TRIM14: variants seen among roughly 807,000 people sequenced by gnomAD.
TRIM14 encodes tripartite motif-containing protein 14.
Under a neutral mutation model 44.5 loss-of-function variants are expected in TRIM14, and 28 were observed. The observed-to-expected ratio is 0.63, with a 90% CI of 0.47 to 0.86. The LOEUF is 0.86. Ranked by LOEUF, TRIM14 falls within the 40% of genes least tolerant of loss-of-function variation. The pLI is 0.00. For missense variants in TRIM14, 607 were observed against 611.1 expected, an observed-to-expected ratio of 0.99 and a Z score of 0.07; for synonymous variants, 299 against 269.2, an observed-to-expected ratio of 1.11 and a Z score of -1.08.
chr9:98,115,645 A>C (rs1413476944), intron 1 of TRIM14, among the ~76,000 whole-genome samples: 2 of 151,936 alleles, frequency 1.3e-5, no homozygotes, highest in African/African-American at 4.8e-5. Flanking sequence ...CAGCCTCCCA[A>C]AGTGCTGGGT....
At chr9:98,039,787 C>T in the TRIM14 span, among the ~76,000 whole-genome samples, 1 of 152,098 alleles carries the variant, frequency 6.6e-6, no homozygotes, top group Middle Eastern at 3.2e-3. Context: ...CACTGGCTTC[C>T]CCCACCCAGC....
intron 2 of TRIM14, 73 bp downstream of exon 2, chr9:98,109,816 A>G: frequency 8.0e-7 from 1 of 1,246,454 alleles, no homozygotes; most frequent in East Asian, 2.3e-5. Flanking sequence ...CATTGGCTCC[A>G]TATTGGGGGT....
intron 2 of TRIM14, among the ~76,000 whole-genome samples, chr9:98,107,555 T>C (rs1253409177): frequency 6.6e-6 from 1 of 152,208 alleles, no homozygotes; most frequent in African/African-American, 2.4e-5. Flanking sequence ...AAGATCATTT[T>C]CCATTTTTAT....
At chr9:98,114,233 A>T (rs1826962934) in intron 1 of TRIM14, among the ~76,000 whole-genome samples, 1 of 152,254 alleles carries the variant, frequency 6.6e-6, no homozygotes. Flanking sequence ...TATCATTATC[A>T]TAATTATTAT....
downstream of TRIM14, chr9:98,082,960 A>C: frequency 6.2e-7 from 1 of 1,614,206 alleles, no homozygotes; most frequent in Non-Finnish European, 8.5e-7. Context: ...AGACATCTTT[A>C]ATCTAGTGGG....
chr9:98,058,848 A>C, the TRIM14 span, among the ~76,000 whole-genome samples: 1 of 152,158 alleles, frequency 6.6e-6, no homozygotes, highest in Non-Finnish European at 1.5e-5. Context: ...AACTTTAGTC[A>C]GGTCAGTCTG....
chr9:98,043,636 A>T, the TRIM14 span, among the ~76,000 whole-genome samples: 2 of 151,646 alleles, frequency 1.3e-5, no homozygotes, highest in East Asian at 3.9e-4. Context: ...ATACACACAC[A>T]CAGACACACA....
rs375352482 is a variant in TRIM14 at position 98,087,266 on chromosome 9, G to T, written c.*204C>A. The T allele has an allele frequency of 1.3e-4, 106 of 843,870 alleles. No homozygotes were observed. In the African/African-American group the frequency reaches 1.6e-3, roughly 13 times the overall value. The allele number at this position is 843,870 out of a possible 1,614,324, so 52.3% of individuals were successfully genotyped here. ...GCGGAGGTCTGATGAGAGGGCAGCA[G>T]CAGACTTGTTTAGGGCCTGTTTGAA... On this transcript the variant is annotated 3_prime_UTR_variant, in exon 6 of 6. Transcript: ENST00000341469.
chr9:98,037,085 G>C, the TRIM14 span, among the ~76,000 whole-genome samples: 1 of 151,334 alleles, frequency 6.6e-6, no homozygotes, highest in African/African-American at 2.4e-5. Flanking sequence ...GTGAGAAGTG[G>C]GCAAAGAAGG....
intron 1 of TRIM14, among the ~76,000 whole-genome samples, chr9:98,117,217 T>A (rs1053038835): frequency 6.6e-6 from 1 of 152,176 alleles, no homozygotes; most frequent in Non-Finnish European, 1.5e-5. Context: ...CTTCGTGATG[T>A]TTTTAGTTGA....
the TRIM14 span, among the ~76,000 whole-genome samples, chr9:98,058,794 C>G: frequency 6.6e-6 from 1 of 152,130 alleles, no homozygotes; most frequent in Non-Finnish European, 1.5e-5. Flanking sequence ...GTGGCTGCAG[C>G]CTTTAGGAAA....
chr9:98,054,056 G>T, the TRIM14 span, among the ~76,000 whole-genome samples: 1 of 152,140 alleles, frequency 6.6e-6, no homozygotes, highest in Non-Finnish European at 1.5e-5. Flanking sequence ...TCCACTCAAG[G>T]TGGGGAGGGA....
intron 5 of TRIM14, among the ~76,000 whole-genome samples, chr9:98,088,777 G>C (rs1825892658): frequency 6.6e-6 from 1 of 152,112 alleles, no homozygotes; most frequent in Admixed American, 6.5e-5. Flanking sequence ...TCCTAAAACA[G>C]GAATTGCTGG....
chr9:98,059,759 G>A, the TRIM14 span, among the ~76,000 whole-genome samples: 2 of 151,362 alleles, frequency 1.3e-5, no homozygotes, highest in African/African-American at 2.4e-5. Context: ...CAAACAATCC[G>A]GCTTTTATAT....
chr9:98,066,342 C>T (rs553897201), downstream of TRIM14, among the ~76,000 whole-genome samples: 297 of 152,284 alleles, frequency 2.0e-3, no homozygotes, highest in African/African-American at 6.9e-3. Flanking sequence ...TCCTTTCCAT[C>T]ATCATTCTCA....
chr9:98,117,572 G>A (rs1827099365), intron 1 of TRIM14, among the ~76,000 whole-genome samples: 1 of 152,172 alleles, frequency 6.6e-6, no homozygotes, highest in Admixed American at 6.5e-5. Flanking sequence ...TGGGATTACA[G>A]GCATGAGCCA....
chr9:98,072,843 T>C (rs1829404105), intron 6 of TRIM14, among the ~76,000 whole-genome samples: 1 of 152,182 alleles, frequency 6.6e-6, no homozygotes, highest in African/African-American at 2.4e-5. Context: ...CCTAACTTCC[T>C]TATAGAAACA....
downstream of TRIM14, among the ~76,000 whole-genome samples, chr9:98,079,994 G>A (rs1472128173): frequency 2.6e-5 from 4 of 152,196 alleles, no homozygotes; most frequent in East Asian, 7.7e-4. Context: ...CAGGTGGACC[G>A]CTTGAGGCCA....
the TRIM14 span, among the ~76,000 whole-genome samples, chr9:98,038,035 T>C: frequency 1.3e-5 from 2 of 151,976 alleles, no homozygotes; most frequent in Admixed American, 1.3e-4. Flanking sequence ...ACCCGGCTCT[T>C]ATTTTTATTT....
Sources: allele counts gnomAD v4.1 joint callset (sites outside exome capture counted in the v4.1 genomes callset), GRCh38; gene constraint gnomAD v4.1.1; transcripts MANE v1.5; gene names NCBI Gene and HGNC (gene_info 2026-07-23, HGNC 2026-07-21).